NOX4: variants seen among roughly 807,000 people sequenced by gnomAD.
NOX4 encodes the protein kidney oxidase-1.
A neutral mutation model predicts 87.6 loss-of-function variants in NOX4; 69 were observed. The observed-to-expected ratio is 0.79, with a 90% CI of 0.65 to 0.96. The LOEUF (loss-of-function observed/expected upper bound fraction) is 0.96, where lower values mean the gene tolerates loss of function less well. Ranked by LOEUF, NOX4 falls within the 40% of genes least tolerant of loss-of-function variation. The pLI, the probability that NOX4 is intolerant of heterozygous loss-of-function variation, is 0.00. For synonymous variants in NOX4, 275 were observed against 238.2 expected, an observed-to-expected ratio of 1.15 and a Z score of -1.42; for missense variants, 680 against 681.5, an observed-to-expected ratio of 1.00 and a Z score of 0.02.
chr11:89,432,919 G>C, intron 6 of NOX4, 63 bp from the exon 7 acceptor site: 1 of 1,086,038 alleles, frequency 9.2e-7, no homozygotes, highest in Non-Finnish European at 1.4e-6. Context: ...TACAAAAAAT[G>C]ATTATATTAG....
intron 15 of NOX4, among the ~76,000 whole-genome samples, chr11:89,339,377 A>G (rs1016335231): frequency 6.6e-6 from 1 of 152,164 alleles, no homozygotes; most frequent in African/African-American, 2.4e-5. Context: ...AAATAGTATG[A>G]TATAATTTAT....
At chr11:89,492,168 G>A (rs1056255717), upstream of NOX4, 3 of 152,026 alleles carry the variant, frequency 2.0e-5, no homozygotes, top group Non-Finnish European at 4.4e-5. Context: ...TGTACCAGAG[G>A]TCCAGTGAAG....
rs189546327 is a variant in NOX4 at position 89,455,005 on chromosome 11, G to A, written c.154-3110C>T. 3.2e-3 allele frequency among the ~76,000 whole-genome samples: 490 copies of A among 152,114 alleles called. 2 individuals are homozygous for A. The highest frequency in any genetic ancestry group is 7.0e-3 in the Admixed American group (106 of 15,248). On this transcript the variant is annotated intron_variant, in intron 2 of 17. Coordinates refer to ENST00000263317, the MANE Select transcript of NOX4 (RefSeq NM_016931.5). ...AGGCAAAAAATGTACTGAAGGATAC[G>A]GAAGGATAAATATTAAATTGAGAGA... is the stretch of plus-strand genomic sequence containing the variant.
chr11:89,340,745 A>C (rs1039556004), intron 14 of NOX4, among the ~76,000 whole-genome samples: 3 of 152,152 alleles, frequency 2.0e-5, no homozygotes, highest in African/African-American at 7.2e-5. Flanking sequence ...CTGGATCCCC[A>C]TTTATAAAGT....
At chr11:89,379,546 C>A (rs1306999486) in intron 11 of NOX4, among the ~76,000 whole-genome samples, 1 of 152,076 alleles carries the variant, frequency 6.6e-6, no homozygotes, top group Admixed American at 6.6e-5. Flanking sequence ...GGCTGAGATG[C>A]CAGTCATTTG....
chr11:89,419,422 G>GT (rs899947076), intron 8 of NOX4, among the ~76,000 whole-genome samples: 5 of 151,046 alleles, frequency 3.3e-5, no homozygotes, highest in Non-Finnish European at 5.9e-5. Flanking sequence ...CATCAGTATA[G>GT]TTTTTTTTTA....
upstream of NOX4, among the ~76,000 whole-genome samples, chr11:89,495,010 A>G (rs1946933603): frequency 6.6e-6 from 1 of 152,180 alleles, no homozygotes; most frequent in African/African-American, 2.4e-5. Flanking sequence ...TGGTGCAATC[A>G]TGGCTCACTG....
chr11:89,488,353 A>G (rs1351672569), intron 2 of NOX4, among the ~76,000 whole-genome samples: 1 of 151,680 alleles, frequency 6.6e-6, no homozygotes, highest in East Asian at 2.0e-4. Flanking sequence ...TCTGTTATTC[A>G]AGCAGAAGCA....
intron 2 of NOX4, among the ~76,000 whole-genome samples, chr11:89,455,168 T>C (rs967673859): frequency 3.3e-5 from 5 of 152,186 alleles, no homozygotes; most frequent in African/African-American, 1.2e-4. Context: ...TACTTACTCA[T>C]GAGTTACCCC....
At position 89,400,356 on chromosome 11, in the gene NOX4, A is replaced by T. The variant is rs762848148; in HGVS notation, c.870T>A (p.Pro290=). ...FPQTWLWISG[P]LCLYCAERLY... is the part of the protein sequence containing the mutation. ...GTCTTTCGGCACAGTACAGGCACAA[A>T]GGTCCAGAAATCCAAAGCCAAGTCT... The change falls in exon 10 of 18, where the codon CCT becomes CCA. Residue 290 remains proline, a synonymous_variant. Transcript: ENST00000263317. 90 of 1,582,256 alleles carry T rather than the reference A, an allele frequency of 5.7e-5. 1 individual carries two copies. In the Admixed American group the frequency reaches 1.6e-3, roughly 28 times the overall value.
intron 14 of NOX4, among the ~76,000 whole-genome samples, chr11:89,340,569 C>T (rs1176532114): frequency 2.6e-5 from 4 of 152,146 alleles, no homozygotes; most frequent in Non-Finnish European, 4.4e-5. Flanking sequence ...CTATCACAGA[C>T]TGAGTAGGGC....
chr11:89,454,265 C>T (rs971387152), intron 2 of NOX4, among the ~76,000 whole-genome samples: 1 of 151,972 alleles, frequency 6.6e-6, no homozygotes, highest in African/African-American at 2.4e-5. Flanking sequence ...TATTACCCTA[C>T]ATTTTTATTT....
chr11:89,351,869 A>T (rs117215694), intron 13 of NOX4, among the ~76,000 whole-genome samples: 3,238 of 152,320 alleles, frequency 0.021, 91 homozygotes, highest in East Asian at 0.13. Flanking sequence ...GTGTCCATCA[A>T]TGGATGACTG....
At chr11:89,467,539 T>G (rs1172338275) in intron 2 of NOX4, among the ~76,000 whole-genome samples, 1 of 152,100 alleles carries the variant, frequency 6.6e-6, no homozygotes, top group Admixed American at 6.5e-5. Context: ...GCAGATTCAG[T>G]GTCTGGTTAG....
chr11:89,532,663 A>C, the NOX4 span, among the ~76,000 whole-genome samples: 2 of 152,162 alleles, frequency 1.3e-5, no homozygotes, highest in Non-Finnish European at 2.9e-5. Flanking sequence ...TTGTGTTTTA[A>C]AATTTCAGAA....
At chr11:89,491,921 GC>G (rs367770303), upstream of NOX4, among the ~76,000 whole-genome samples, 438 of 151,846 alleles carry the variant, frequency 2.9e-3, 2 homozygotes, top group African/African-American at 0.01. Context: ...CCAAACTAAA[GC>G]CCCCCTGACA....
chr11:89,552,450 T>G, the NOX4 span, among the ~76,000 whole-genome samples: 1 of 152,170 alleles, frequency 6.6e-6, no homozygotes, highest in African/African-American at 2.4e-5. Context: ...TCATCTCTAT[T>G]ATGGAAACCT....
chr11:89,435,182 A>C (rs890150100), intron 6 of NOX4, among the ~76,000 whole-genome samples: 9 of 152,102 alleles, frequency 5.9e-5, no homozygotes, highest in African/African-American at 2.2e-4. Flanking sequence ...CACTGTTTTC[A>C]AGTGTTAAAA....
At chr11:89,349,217 G>C (rs1346542832) in intron 13 of NOX4, among the ~76,000 whole-genome samples, 1 of 151,924 alleles carries the variant, frequency 6.6e-6, no homozygotes, top group African/African-American at 2.4e-5. Context: ...AACCCGGGAG[G>C]CAGAGCTTGC....
Sources: gnomAD v4.1 joint callset for allele counts (sites outside exome capture counted in the v4.1 genomes callset) on GRCh38, gnomAD v4.1.1 for gene constraint, MANE v1.5 for transcripts, NCBI Gene and HGNC (gene_info 2026-07-23, HGNC 2026-07-21) for gene names.